The following PPP1CB variants were observed in gnomAD, a reference collection of about 807,000 sequenced individuals.
The protein encoded by PPP1CB is serine/threonine-protein phosphatase PP1-beta catalytic subunit.
PPP1CB carries 2 observed loss-of-function variants against 43.7 expected under a neutral mutation model. The ratio of observed to expected loss-of-function variants is 0.05; its 90% confidence interval spans 0.02 to 0.14. The LOEUF (loss-of-function observed/expected upper bound fraction) is 0.14, where lower values mean the gene tolerates loss of function less well. PPP1CB is among the 10% of genes least tolerant of loss of function. PPP1CB has a pLI of 1.00. For synonymous variants in PPP1CB, 136 were observed against 135.6 expected (o/e 1.00, Z -0.02); for missense variants, 84 against 398.0 (o/e 0.21, Z 6.71).
At chr2:28,752,642 A>G (rs1413907903) in intron 1 of PPP1CB, among the ~76,000 whole-genome samples, 1 of 152,124 alleles carries the variant, frequency 6.6e-6, no homozygotes, top group Non-Finnish European at 1.5e-5. Flanking sequence ...AGTGAATTTT[A>G]CGTATATATA....
rs189245938 is a variant in PPP1CB at position 28,759,862 on chromosome 2, G to A, written c.52+7686G>A. 6.0e-3 allele frequency among the ~76,000 whole-genome samples: 906 copies of A among 152,162 alleles called. 15 individuals are homozygous for A. The highest frequency in any genetic ancestry group is 0.02 in the African/African-American group (831 of 41,532). Reference sequence around the variant, plus strand: ...TTGATCTCCCGACCTCAGGTGATCCGCCTGCCTCGGCCTCCCAAAGTGTTG... The same window carrying A: ...TTGATCTCCCGACCTCAGGTGATCCACCTGCCTCGGCCTCCCAAAGTGTTG... On this transcript the variant is annotated intron_variant, in intron 1 of 7. Transcript: ENST00000395366.
intron 2 of PPP1CB, among the ~76,000 whole-genome samples, chr2:28,778,047 C>T (rs771603808): frequency 1.6e-4 from 25 of 152,124 alleles, no homozygotes; most frequent in Admixed American, 3.9e-4. Flanking sequence ...AATCAATCCC[C>T]TGTATAAACT....
At chr2:28,757,704 C>A (rs1666526291) in intron 1 of PPP1CB, among the ~76,000 whole-genome samples, 1 of 152,088 alleles carries the variant, frequency 6.6e-6, no homozygotes, top group Admixed American at 6.6e-5. Flanking sequence ...AAGGTCGTGG[C>A]ATATTTTTTA....
chr2:28,784,344 T>G (rs1033926772), intron 5 of PPP1CB, among the ~76,000 whole-genome samples: 1 of 152,234 alleles, frequency 6.6e-6, no homozygotes, highest in Non-Finnish European at 1.5e-5. Context: ...ATTCTTTGCT[T>G]CTTAGGCAAG....
intron 1 of PPP1CB, among the ~76,000 whole-genome samples, chr2:28,756,500 A>G (rs1666491714): frequency 6.6e-6 from 1 of 152,186 alleles, no homozygotes; most frequent in African/African-American, 2.4e-5. Flanking sequence ...CTGACAGACT[A>G]CACTTTTAAC....
chr2:28,796,498 A>G (rs1028046884), intron 7 of PPP1CB, among the ~76,000 whole-genome samples: 1 of 151,568 alleles, frequency 6.6e-6, no homozygotes, highest in African/African-American at 2.4e-5. Context: ...GAGATCTTTC[A>G]CCTCCCTGGT....
intron 1 of PPP1CB, among the ~76,000 whole-genome samples, chr2:28,773,304 C>T (rs1666954037): frequency 6.6e-6 from 1 of 152,018 alleles, no homozygotes; most frequent in Non-Finnish European, 1.5e-5. Flanking sequence ...ATTTTTGATC[C>T]AAAAATTTTA....
chr2:28,786,951 G>C (rs1398549752), intron 5 of PPP1CB, among the ~76,000 whole-genome samples: 1 of 152,078 alleles, frequency 6.6e-6, no homozygotes, highest in African/African-American at 2.4e-5. Flanking sequence ...TGGATTTTGT[G>C]TGCTAGTGAA....
intron 1 of PPP1CB, among the ~76,000 whole-genome samples, chr2:28,761,111 C>T (rs138970831): frequency 4.5e-4 from 68 of 152,208 alleles, no homozygotes; most frequent in African/African-American, 1.5e-3. Context: ...CACTAAATCT[C>T]GAACACCTGA....
rs1317305151 is a variant in PPP1CB at position 28,779,763 on chromosome 2, A to T, written c.415+724A>T. Among the ~76,000 whole-genome samples the T allele has an allele frequency of 1.1e-4, 16 of 152,248 alleles. No individual in the cohort carries two copies. In the East Asian group the frequency reaches 3.1e-3, roughly 29 times the overall value. ...TTTTGCTTTTTTTCAATCCTTAATT[A>T]TGTTAGAGACCTATTCAAACTCATA... is the stretch of plus-strand genomic sequence containing the variant. On this transcript the variant is annotated intron_variant, in intron 3 of 7. Transcript: ENST00000395366.
At position 28,778,612 on chromosome 2, in the gene PPP1CB, A is replaced by G. The variant is rs1261590072; in HGVS notation, c.185-197A>G. On this transcript the variant is annotated intron_variant, in intron 2 of 7. Coordinates refer to ENST00000395366, the MANE Select transcript of PPP1CB (RefSeq NM_002709.3). ...AAGGTGAGAGAGTGCAAGCAAGATG[A>G]AAGTCACAGTCTTTTGTAACTTAAT... is the stretch of plus-strand genomic sequence containing the variant. The G allele has an allele frequency of 5.2e-6, 3 of 573,212 alleles. No homozygotes were observed. In the Admixed American group the frequency reaches 9.0e-5, roughly 17 times the overall value. The allele number at this position is 573,212 out of a possible 1,614,324, so 35.5% of individuals were successfully genotyped here.
chr2:28,752,402 C>T (rs1258754659), intron 1 of PPP1CB, among the ~76,000 whole-genome samples: 1 of 152,140 alleles, frequency 6.6e-6, no homozygotes, highest in African/African-American at 2.4e-5. Context: ...GGGGCCGTTC[C>T]CGCGGACCCT....
chr2:28,790,056 A>G (rs1039461919), intron 6 of PPP1CB, among the ~76,000 whole-genome samples: 16 of 152,234 alleles, frequency 1.1e-4, no homozygotes, highest in Admixed American at 9.2e-4. Context: ...TGAGGCAGGC[A>G]GATCCTTTGA....
Position 28,752,032 on chromosome 2 carries a change from T to C in PPP1CB, c.-93T>C. Reference sequence around the variant, plus strand: ...AGCCGGGGTCGAAACGCCGCGTGACTTGTAGGTGAGAGAACGCCGAGCCGT... The same window carrying C: ...AGCCGGGGTCGAAACGCCGCGTGACCTGTAGGTGAGAGAACGCCGAGCCGT... On this transcript the variant is annotated 5_prime_UTR_variant, in exon 1 of 8. Coordinates refer to ENST00000395366, the MANE Select transcript of PPP1CB (RefSeq NM_002709.3). 8.1e-7 allele frequency: 1 copy of C among 1,234,112 alleles called. No homozygotes were observed. The highest frequency in any genetic ancestry group is 1.2e-6 in the Non-Finnish European group (1 of 860,106). The allele number at this position is 1,234,112 out of a possible 1,614,324, so 76.4% of individuals were successfully genotyped here.
At chr2:28,793,508 T>G (rs1667430132) in intron 6 of PPP1CB, among the ~76,000 whole-genome samples, 1 of 152,174 alleles carries the variant, frequency 6.6e-6, no homozygotes. Context: ...AAAATAAAAT[T>G]AAATTTAAAA....
intron 6 of PPP1CB, among the ~76,000 whole-genome samples, chr2:28,791,674 TAA>T (rs1343628383): frequency 6.6e-6 from 1 of 152,326 alleles, no homozygotes; most frequent in African/African-American, 2.4e-5. Flanking sequence ...ATGATTTTGA[TAA>T]ATATGCCTTC....
chr2:28,783,101 T>G (rs1373544523), intron 4 of PPP1CB, among the ~76,000 whole-genome samples: 2 of 152,222 alleles, frequency 1.3e-5, no homozygotes, highest in Non-Finnish European at 2.9e-5. Context: ...AGTATTTTTA[T>G]GAGCTTTTCC....
intron 6 of PPP1CB, among the ~76,000 whole-genome samples, 168 bp downstream of exon 6, chr2:28,788,977 C>T (rs1271862541): frequency 6.6e-6 from 1 of 152,096 alleles, no homozygotes; most frequent in African/African-American, 2.4e-5. Flanking sequence ...TGTGCCTCAG[C>T]CTCCCAAGTA....
At chr2:28,752,801 A>G (rs1252457742) in intron 1 of PPP1CB, among the ~76,000 whole-genome samples, 1 of 152,252 alleles carries the variant, frequency 6.6e-6, no homozygotes, top group Non-Finnish European at 1.5e-5. Flanking sequence ...AAGACAAGAT[A>G]TTTGATCAGG....
Sources: allele counts gnomAD v4.1 joint callset (sites outside exome capture counted in the v4.1 genomes callset), GRCh38; gene constraint gnomAD v4.1.1; transcripts MANE v1.5; gene names NCBI Gene and HGNC (gene_info 2026-07-23, HGNC 2026-07-21).